PRKD1: variants seen among roughly 807,000 people sequenced by gnomAD.
The protein encoded by PRKD1 is protein kinase D1, also known as serine/threonine-protein kinase D1.
In PRKD1, 63 loss-of-function variants were observed where a neutral mutation model predicts 95.9. That is an observed-to-expected ratio of 0.66 (90% confidence interval 0.54 to 0.81). The LOEUF is 0.81. Ranked by LOEUF, PRKD1 falls within the 30% of genes least tolerant of loss-of-function variation. PRKD1 has a pLI of 0.00. For synonymous variants in PRKD1, 425 were observed against 423.1 expected (o/e 1.00, Z -0.05); for missense variants, 1,048 against 1,165.3 (o/e 0.90, Z 1.47).
chr14:29,757,933 G>C (rs1036660517), intron 1 of PRKD1, among the ~76,000 whole-genome samples: 19 of 151,964 alleles, frequency 1.3e-4, no homozygotes, highest in Non-Finnish European at 2.5e-4. Flanking sequence ...TTCATATCTG[G>C]GGTTTCATCC....
At chr14:29,920,056 G>GGAAGGAAGGAAA (rs1371184893) in intron 1 of PRKD1, among the ~76,000 whole-genome samples, 1 of 131,632 alleles carries the variant, frequency 7.6e-6, no homozygotes, top group Non-Finnish European at 1.5e-5. Flanking sequence ...AAGGAAGGAA[G>GGAAGGAAGGAAA]GAAGGAAGGA....
At chr14:29,631,051 T>C in intron 9 of PRKD1, 30 bp from the exon 10 acceptor site, 1 of 1,558,598 alleles carries the variant, frequency 6.4e-7, no homozygotes, top group East Asian at 2.3e-5. Context: ...CTAAATGTTG[T>C]TTATCAAAAG....
chr14:29,756,810 T>G (rs1378580328), intron 1 of PRKD1, among the ~76,000 whole-genome samples: 1 of 152,240 alleles, frequency 6.6e-6, no homozygotes, highest in Non-Finnish European at 1.5e-5. Context: ...GTTTCAAAAA[T>G]TATCTGAAAG....
intron 1 of PRKD1, among the ~76,000 whole-genome samples, chr14:29,882,023 G>C (rs1893531433): frequency 6.6e-6 from 1 of 152,036 alleles, no homozygotes; most frequent in Non-Finnish European, 1.5e-5. Context: ...AAATGCAATT[G>C]ATTTCAGACT....
chr14:29,886,159 A>T (rs1422478288), intron 1 of PRKD1, among the ~76,000 whole-genome samples: 1 of 152,200 alleles, frequency 6.6e-6, no homozygotes, highest in African/African-American at 2.4e-5. Context: ...CTTGCCCTCC[A>T]CTCAGACACA....
intron 1 of PRKD1, among the ~76,000 whole-genome samples, chr14:29,839,076 C>T (rs896442586): frequency 2.0e-5 from 3 of 151,966 alleles, no homozygotes; most frequent in Non-Finnish European, 4.4e-5. Context: ...AATGTCAAAC[C>T]ATTCACATCA....
intron 13 of PRKD1, among the ~76,000 whole-genome samples, chr14:29,620,778 G>A (rs1879195728): frequency 6.6e-6 from 1 of 152,136 alleles, no homozygotes; most frequent in Non-Finnish European, 1.5e-5. Context: ...CGATTCCTCA[G>A]GGATCTAGAA....
At chr14:29,606,680 C>T (rs1157006316) in intron 13 of PRKD1, among the ~76,000 whole-genome samples, 2 of 152,172 alleles carry the variant, frequency 1.3e-5, no homozygotes, top group African/African-American at 4.8e-5. Context: ...CATGCCAACC[C>T]TCATTTACAT....
chr14:29,663,902 T>G (rs1192133991), intron 3 of PRKD1, 43 bp from the exon 4 acceptor site: 20 of 1,569,410 alleles, frequency 1.3e-5, no homozygotes, highest in Non-Finnish European at 1.7e-5. Flanking sequence ...AACCATAAAT[T>G]AAAAAGTGAT....
chr14:29,704,777 GTTA>G, intron 2 of PRKD1, among the ~76,000 whole-genome samples: 1 of 152,196 alleles, frequency 6.6e-6, no homozygotes, highest in African/African-American at 2.4e-5. Flanking sequence ...TTTTAAATGA[GTTA>G]TTTTTTTCTC....
At chr14:29,596,042 C>A (rs909411794) in intron 16 of PRKD1, among the ~76,000 whole-genome samples, 3 of 152,164 alleles carry the variant, frequency 2.0e-5, no homozygotes, top group Non-Finnish European at 4.4e-5. Context: ...CACATGATAG[C>A]TCTTTTGTAG....
At chr14:29,910,232 G>A (rs549007393) in intron 1 of PRKD1, among the ~76,000 whole-genome samples, 5 of 152,190 alleles carry the variant, frequency 3.3e-5, no homozygotes, top group African/African-American at 1.2e-4. Flanking sequence ...AACAACTCCG[G>A]ATGGGAGGAA....
intron 16 of PRKD1, among the ~76,000 whole-genome samples, chr14:29,596,364 G>A (rs952469579): frequency 2.6e-5 from 4 of 152,202 alleles, no homozygotes; most frequent in Non-Finnish European, 4.4e-5. Flanking sequence ...TAGAAAAGAC[G>A]TAGGGCTAGT....
chr14:29,700,250 T>G (rs903879592), intron 2 of PRKD1, among the ~76,000 whole-genome samples: 2 of 152,188 alleles, frequency 1.3e-5, no homozygotes, highest in African/African-American at 4.8e-5. Flanking sequence ...CAATTTCAAT[T>G]ATCAATATCA....
At chr14:29,785,304 T>A (rs530965261) in intron 1 of PRKD1, among the ~76,000 whole-genome samples, 1 of 152,332 alleles carries the variant, frequency 6.6e-6, no homozygotes, top group Admixed American at 6.5e-5. Context: ...AATTTAGGTA[T>A]TTTTTAAATT....
intron 1 of PRKD1, among the ~76,000 whole-genome samples, chr14:29,746,600 G>C (rs1022508501): frequency 6.6e-6 from 1 of 152,064 alleles, no homozygotes; most frequent in African/African-American, 2.4e-5. Context: ...GGGAGCGACT[G>C]TGTGTGTGCT....
intron 11 of PRKD1, among the ~76,000 whole-genome samples, chr14:29,628,245 A>G (rs1197291106): frequency 6.6e-6 from 1 of 152,236 alleles, no homozygotes; most frequent in East Asian, 1.9e-4. Context: ...AATAAGGATG[A>G]ATAGAGTTTC....
chr14:29,802,257 C>A (rs1489885985), intron 1 of PRKD1, among the ~76,000 whole-genome samples: 3 of 151,694 alleles, frequency 2.0e-5, no homozygotes, highest in Non-Finnish European at 4.4e-5. Flanking sequence ...GAAATTTAGA[C>A]CTGATAGTAA....
chr14:29,833,614 C>T (rs549225760), intron 1 of PRKD1, among the ~76,000 whole-genome samples: 2 of 151,972 alleles, frequency 1.3e-5, no homozygotes, highest in South Asian at 2.1e-4. Context: ...TCTTCTAGAA[C>T]AGGCAGAATT....
Sources: allele counts gnomAD v4.1 joint callset (sites outside exome capture counted in the v4.1 genomes callset), GRCh38; gene constraint gnomAD v4.1.1; transcripts MANE v1.5; gene names NCBI Gene and HGNC (gene_info 2026-07-23, HGNC 2026-07-21).